Variants in MTMR7 observed in about 807,000 individuals in gnomAD.
MTMR7 encodes myotubularin related protein 7, also known as phosphatidylinositol-3-phosphate phosphatase MTMR7.
In MTMR7, 76 loss-of-function variants were observed where a neutral mutation model predicts 81.2. The observed-to-expected ratio is 0.94, with a 90% CI of 0.78 to 1.13. The LOEUF (loss-of-function observed/expected upper bound fraction) is 1.13, where lower values mean the gene tolerates loss of function less well. MTMR7 is among the 50% of genes most tolerant of loss of function. The pLI is 0.00. For missense variants in MTMR7, 1,044 were observed against 820.0 expected, an observed-to-expected ratio of 1.27 and a Z score of -3.34; for synonymous variants, 372 against 289.8, an observed-to-expected ratio of 1.28 and a Z score of -2.88.
chr8:17,346,273 G>C (rs921530215), intron 5 of MTMR7: 7 of 152,196 alleles, frequency 4.6e-5, no homozygotes, highest in African/African-American at 1.7e-4. Flanking sequence ...AGTTCATGGG[G>C]TGGGAGAGTG....
chr8:17,312,209 G>A (rs767447104), intron 8 of MTMR7, among the ~76,000 whole-genome samples: 3 of 152,096 alleles, frequency 2.0e-5, no homozygotes, highest in African/African-American at 7.2e-5. Flanking sequence ...GTTAACATAC[G>A]CTGGGAAACA....
At chr8:17,384,410 CT>C (rs1820864653) in intron 1 of MTMR7, among the ~76,000 whole-genome samples, 1 of 152,186 alleles carries the variant, frequency 6.6e-6, no homozygotes, top group African/African-American at 2.4e-5. Context: ...GACCCTAACT[CT>C]AAAAAATAAA....
intron 10 of MTMR7, among the ~76,000 whole-genome samples, chr8:17,306,518 G>A (rs969688593): frequency 6.6e-6 from 1 of 152,064 alleles, no homozygotes; most frequent in African/African-American, 2.4e-5. Flanking sequence ...ATCTCCCATT[G>A]CTTTGCTTTT....
At chr8:17,394,463 T>C (rs562763887) in intron 1 of MTMR7, among the ~76,000 whole-genome samples, 2 of 152,238 alleles carry the variant, frequency 1.3e-5, no homozygotes, top group African/African-American at 4.8e-5. Flanking sequence ...GGACCATAAA[T>C]TGTATGATTC....
chr8:17,411,539 T>C (rs549096729), intron 1 of MTMR7, among the ~76,000 whole-genome samples: 31 of 152,202 alleles, frequency 2.0e-4, no homozygotes, highest in Non-Finnish European at 3.2e-4. Flanking sequence ...ATCCGATCCA[T>C]CCAACCTCTG....
At chr8:17,329,440 G>T (rs1818877410) in intron 7 of MTMR7, among the ~76,000 whole-genome samples, 2 of 152,166 alleles carry the variant, frequency 1.3e-5, no homozygotes, top group South Asian at 4.1e-4. Context: ...TCCAGAACTT[G>T]GTCAGTTTGC....
chr8:17,391,015 C>T (rs1821090940), intron 1 of MTMR7, among the ~76,000 whole-genome samples: 1 of 152,112 alleles, frequency 6.6e-6, no homozygotes, highest in South Asian at 2.1e-4. Context: ...AGTAGAGAAC[C>T]AGAATGAGTG....
chr8:17,383,672 G>C (rs1456279797), intron 1 of MTMR7, among the ~76,000 whole-genome samples: 6 of 152,178 alleles, frequency 3.9e-5, no homozygotes, highest in Admixed American at 3.9e-4. Flanking sequence ...AAATGCTCTA[G>C]CTACAGCTAA....
intron 10 of MTMR7, among the ~76,000 whole-genome samples, chr8:17,308,158 TAAAC>T (rs1316739512): frequency 6.6e-6 from 1 of 151,898 alleles, no homozygotes; most frequent in African/African-American, 2.4e-5. Flanking sequence ...TATTTCAAAA[TAAAC>T]TTTACTGCAA....
intron 5 of MTMR7, among the ~76,000 whole-genome samples, chr8:17,346,375 AG>A (rs1394762287): frequency 6.6e-6 from 1 of 152,172 alleles, no homozygotes; most frequent in African/African-American, 2.4e-5. Context: ...GTACCTTGGA[AG>A]AAGAGCTAGA....
At chr8:17,312,928 C>G (rs1817873548) in intron 8 of MTMR7, among the ~76,000 whole-genome samples, 1 of 152,198 alleles carries the variant, frequency 6.6e-6, no homozygotes, top group Non-Finnish European at 1.5e-5. Context: ...ATGACTTTTG[C>G]TTATGCCATG....
chr8:17,383,453 G>GA (rs1229401925), intron 1 of MTMR7, among the ~76,000 whole-genome samples: 9 of 152,158 alleles, frequency 5.9e-5, no homozygotes, highest in Admixed American at 5.2e-4. Context: ...TGAAGAGCAT[G>GA]AAAAATCAAT....
intron 1 of MTMR7, among the ~76,000 whole-genome samples, chr8:17,411,401 T>C (rs1007039485): frequency 1.3e-5 from 2 of 152,180 alleles, no homozygotes; most frequent in Non-Finnish European, 2.9e-5. Flanking sequence ...GTCTCTATCA[T>C]ACACTGACAT....
chr8:17,302,703 A>ACCC (rs35520166), intron 12 of MTMR7, among the ~76,000 whole-genome samples: 134 of 10,360 alleles, frequency 0.013, 35 homozygotes, highest in South Asian at 0.033. Context: ...ATTGGCAATA[A>ACCC]CCCCCCCCCC....
intron 1 of MTMR7, among the ~76,000 whole-genome samples, chr8:17,408,920 A>C (rs1233278942): frequency 6.6e-6 from 1 of 152,214 alleles, no homozygotes. Flanking sequence ...ATATGTAAAT[A>C]TACTAAAACC....
chr8:17,406,223 C>T (rs546027800), intron 1 of MTMR7, among the ~76,000 whole-genome samples: 13 of 152,098 alleles, frequency 8.5e-5, no homozygotes, highest in Non-Finnish European at 1.2e-4. Flanking sequence ...ACCTACAGAA[C>T]GGGAGGAAAC....
chr8:17,368,073 C>A (rs1820288222), intron 3 of MTMR7, among the ~76,000 whole-genome samples: 1 of 152,026 alleles, frequency 6.6e-6, no homozygotes, highest in Non-Finnish European at 1.5e-5. Flanking sequence ...GACAATTTTT[C>A]TGTGGATGGG....
At chr8:17,337,311 T>A (rs191133326) in intron 6 of MTMR7, among the ~76,000 whole-genome samples, 2 of 146,190 alleles carry the variant, frequency 1.4e-5, no homozygotes, top group East Asian at 4.1e-4. Context: ...GTTGCAGTGA[T>A]CCGAGATCGT....
intron 2 of MTMR7, among the ~76,000 whole-genome samples, chr8:17,371,802 T>C (rs1467295657): frequency 6.6e-6 from 1 of 151,414 alleles, no homozygotes; most frequent in East Asian, 1.9e-4. Context: ...ATGTACATCA[T>C]ACGGAATGAT....
Sources: allele counts gnomAD v4.1 joint callset (sites outside exome capture counted in the v4.1 genomes callset), GRCh38; gene constraint gnomAD v4.1.1; transcripts MANE v1.5; gene names NCBI Gene and HGNC (gene_info 2026-07-23, HGNC 2026-07-21).